TPST2: variants seen among roughly 807,000 people sequenced by gnomAD.
The protein encoded by TPST2 is tyrosylprotein sulfotransferase 2, also known as protein-tyrosine sulfotransferase 2.
Under a neutral mutation model 27.8 loss-of-function variants are expected in TPST2, and 16 were observed. That is an observed-to-expected ratio of 0.58 (90% CI 0.39 to 0.88). TPST2 has a LOEUF of 0.88. Ranked by LOEUF, TPST2 falls within the 40% of genes least tolerant of loss-of-function variation. TPST2 has a pLI of 0.00. For synonymous variants in TPST2, 229 were observed against 231.7 expected (o/e 0.99, Z 0.10); for missense variants, 464 against 543.1 (o/e 0.85, Z 1.45).
chr22:26,575,023 C>G lies in TPST2; in HGVS notation c.-161+15030G>C, dbSNP rs117502933. Among the ~76,000 whole-genome samples, 1,224 of 152,260 alleles carry G rather than the reference C, an allele frequency of 8.0e-3. 6 individuals are homozygous for G. The highest frequency in any genetic ancestry group is 0.017 in the Middle Eastern group (5 of 294). On this transcript the variant is annotated intron_variant, in intron 1 of 6. Coordinates refer to ENST00000338754, the MANE Select transcript of TPST2 (RefSeq NM_003595.5). ...GAGGACAGTCAAGATTTGAGCCCTC[C>G]CTATGAGGACCTGTCCCCACTCAGT...
In TPST2 at chr22:26,541,855, G is replaced by GT. The variant is rs1307883599; in HGVS notation, c.-88-138dup. 1 of 868,364 alleles carries GT rather than the reference G, an allele frequency of 1.2e-6. No individual in the cohort carries two copies. Among genetic ancestry groups the GT allele is most frequent in the African/African-American group, 1.8e-5 (1 of 55,768 alleles). The allele number at this position is 868,364 out of a possible 1,614,324, so 53.8% of individuals were successfully genotyped here. On this transcript the variant is annotated intron_variant, in intron 2 of 6. Transcript: ENST00000338754. The surrounding 1 kb of genome is among the most constrained non-coding windows in gnomAD (Gnocchi z 5.9). The stretch of plus-strand genomic sequence containing the variant: ...GGCACCTTTCATAAGCACTAGCTGT[G>GT]TGCCTGGCACCCTGCTGGGCACTTT...
chr22:26,578,598 G>A (rs767500422), intron 1 of TPST2, among the ~76,000 whole-genome samples: 3 of 152,156 alleles, frequency 2.0e-5, no homozygotes, highest in Non-Finnish European at 4.4e-5. Context: ...GCAGTAGGTA[G>A]AGGAGAGCAA....
At chr22:26,528,995 C>A (rs13055860) in intron 5 of TPST2, among the ~76,000 whole-genome samples, 27 of 123,146 alleles carry the variant, frequency 2.2e-4, no homozygotes, top group Admixed American at 7.0e-4. Flanking sequence ...AAAACAAAAA[C>A]AAAAACAAAA....
chr22:26,586,800 A>G (rs1335670742), intron 1 of TPST2, among the ~76,000 whole-genome samples: 2 of 152,204 alleles, frequency 1.3e-5, no homozygotes, highest in Non-Finnish European at 2.9e-5. Context: ...TACCTTCTCA[A>G]GGAACTCTTC....
intron 4 of TPST2, among the ~76,000 whole-genome samples, chr22:26,534,607 A>G (rs1602254063): frequency 6.6e-6 from 1 of 152,350 alleles, no homozygotes. Context: ...GAGACCCCAG[A>G]GGAGCCACTG....
chr22:26,577,819 T>C, intron 1 of TPST2, among the ~76,000 whole-genome samples: 1 of 151,784 alleles, frequency 6.6e-6, no homozygotes, highest in African/African-American at 2.4e-5. Context: ...CCACCATGCC[T>C]GGCTAATTTT....
In TPST2 at chr22:26,522,255, A is replaced by T. The variant is rs1198861134; in HGVS notation, c.*4020T>A. On this transcript the variant is annotated 3_prime_UTR_variant, in exon 7 of 7. Transcript: ENST00000338754. The stretch of plus-strand genomic sequence containing the variant: ...CACTTGGCCACAGTCGCACAGTTGG[A>T]AAGTGGTAGAGCCAGGATGAGACGC... The T allele has an allele frequency of 6.6e-6, 1 of 152,182 alleles. No individual in the cohort carries two copies. The highest frequency in any genetic ancestry group is 1.5e-5 in the Non-Finnish European group (1 of 68,038). The allele number at this position is 152,182 out of a possible 1,614,324, so 9.4% of individuals were successfully genotyped here.
chr22:26,532,104 A>G (rs933051218), intron 5 of TPST2, among the ~76,000 whole-genome samples: 4 of 152,074 alleles, frequency 2.6e-5, no homozygotes, highest in African/African-American at 4.8e-5. Flanking sequence ...ACTGCACTCC[A>G]GTCTCAACAA....
At chr22:26,574,107 T>C (rs1271273460) in intron 1 of TPST2, among the ~76,000 whole-genome samples, 4 of 152,180 alleles carry the variant, frequency 2.6e-5, no homozygotes, top group Non-Finnish European at 5.9e-5. Context: ...ACCTGGGTTT[T>C]ATGGAAAGTA....
intron 1 of TPST2, among the ~76,000 whole-genome samples, chr22:26,587,997 C>A (rs1458708192): frequency 1.3e-5 from 2 of 148,190 alleles, no homozygotes; most frequent in Non-Finnish European, 3.0e-5. Flanking sequence ...TACCTTACGA[C>A]CCAATCATTC....
At chr22:26,544,110 C>A (rs1038357123) in intron 2 of TPST2, among the ~76,000 whole-genome samples, 1 of 152,224 alleles carries the variant, frequency 6.6e-6, no homozygotes, top group Non-Finnish European at 1.5e-5. Flanking sequence ...CACTTGCCAG[C>A]TGGTGATCTG....
intron 1 of TPST2, 46 bp downstream of exon 1, chr22:26,590,007 C>T (rs1312169595): frequency 6.6e-6 from 1 of 151,714 alleles, no homozygotes; most frequent in Non-Finnish European, 1.5e-5. Context: ...GCCCGCGCCC[C>T]CGGTTGCAAC....
At chr22:26,535,237 T>C (rs4149479) in intron 4 of TPST2, among the ~76,000 whole-genome samples, 8,959 of 152,318 alleles carry the variant, frequency 0.059, 308 homozygotes, top group Middle Eastern at 0.082. Flanking sequence ...TAACTGTTTA[T>C]TTCCTAAAAT....
At chr22:26,548,625 T>C (rs1346598561) in intron 1 of TPST2, among the ~76,000 whole-genome samples, 3 of 150,910 alleles carry the variant, frequency 2.0e-5, no homozygotes, top group Admixed American at 1.3e-4. Context: ...CATTTTGGAG[T>C]ATGGATGCTG....
chr22:26,577,237 C>A (rs1226401773), intron 1 of TPST2, among the ~76,000 whole-genome samples: 1 of 149,854 alleles, frequency 6.7e-6, no homozygotes, highest in Non-Finnish European at 1.5e-5. Flanking sequence ...CGCAATCCAG[C>A]CTGGGTGACA....
At chr22:26,566,507 C>T (rs1003550165) in intron 1 of TPST2, among the ~76,000 whole-genome samples, 2 of 151,464 alleles carry the variant, frequency 1.3e-5, no homozygotes, top group Non-Finnish European at 2.9e-5. Flanking sequence ...AAGCTGAGAT[C>T]GCGCCACTGA....
chr22:26,567,979 C>T lies in TPST2; in HGVS notation c.-161+22074G>A, dbSNP rs551784821. 3.3e-5 allele frequency among the ~76,000 whole-genome samples: 5 copies of T among 152,320 alleles called. No homozygotes were observed. In the East Asian group the frequency reaches 9.6e-4, roughly 29 times the overall value. On this transcript the variant is annotated intron_variant, in intron 1 of 6. Coordinates refer to ENST00000338754, the MANE Select transcript of TPST2 (RefSeq NM_003595.5). The stretch of plus-strand genomic sequence containing the variant: ...TGGCAGGAGGGAAACCTGGTTCAAC[C>T]CCTTTGGAAAACTCTGGCTTAACTG...
In TPST2 at chr22:26,541,781, T is replaced by C. The variant is rs1602263341; in HGVS notation, c.-88-63A>G. The C allele has an allele frequency of 5.8e-6, 8 of 1,385,690 alleles. No homozygotes were observed. Among genetic ancestry groups the C allele is most frequent in the Middle Eastern group, 5.3e-4 (2 of 3,804 alleles). 85.8% of individuals were successfully genotyped at this position (1,385,690 alleles called of 1,614,324 possible). A position where few individuals can be genotyped will look rare whatever the true frequency, so the allele number is the denominator to read the frequency against. ...TGTGAGCTGTGAGCTCTCCAATAACTGCAAAGCCCTATAACTGCAAACAAG... is the reference window on the plus strand; with the variant it reads ...TGTGAGCTGTGAGCTCTCCAATAACCGCAAAGCCCTATAACTGCAAACAAG... On this transcript the variant is annotated intron_variant, in intron 2 of 6. Transcript: ENST00000338754. The surrounding 1 kb of genome is among the most constrained non-coding windows in gnomAD (Gnocchi z 5.9).
chr22:26,589,400 G>A (rs1479295169), intron 1 of TPST2, among the ~76,000 whole-genome samples: 1 of 151,952 alleles, frequency 6.6e-6, no homozygotes, highest in Non-Finnish European at 1.5e-5. Context: ...TCCCAGTCCC[G>A]GCTTTCCGGG....
Sources: allele counts gnomAD v4.1 joint callset (sites outside exome capture counted in the v4.1 genomes callset), GRCh38; gene constraint gnomAD v4.1.1; non-coding constraint Gnocchi (gnomAD v3.1); transcripts MANE v1.5; gene names NCBI Gene and HGNC (gene_info 2026-07-23, HGNC 2026-07-21).